Variants in SC5D observed in about 807,000 individuals in gnomAD.
The protein encoded by SC5D is sterol-C5-desaturase.
Under a neutral mutation model 23.9 loss-of-function variants are expected in SC5D, and 21 were observed. The ratio of observed to expected loss-of-function variants is 0.88; its 90% CI spans 0.62 to 1.26. The LOEUF is 1.26. SC5D is among the 50% of genes most tolerant of loss of function. The pLI is 0.00. For missense variants in SC5D, 309 were observed against 364.8 expected (o/e 0.85, Z 1.25); for synonymous variants, 113 against 125.9 (o/e 0.90, Z 0.68).
At chr11:121,303,957 A>G (rs1220570009) in intron 2 of SC5D, 1 of 259,244 alleles carries the variant, frequency 3.9e-6, no homozygotes, top group African/African-American at 2.3e-5. Flanking sequence ...AGGGGATTCA[A>G]ACTCAGTAGT....
In SC5D at chr11:121,306,486, G is replaced by C. The variant is rs1450599623; in HGVS notation, c.444G>C (p.Lys148Asn). 1 of 1,377,004 alleles carries C rather than the reference G, an allele frequency of 7.3e-7. No individual in the cohort carries two copies. Among genetic ancestry groups the C allele is most frequent in the Non-Finnish European group, 1.0e-6 (1 of 963,866 alleles). The allele number at this position is 1,377,004 out of a possible 1,614,324, so 85.3% of individuals were successfully genotyped here. A position where few individuals can be genotyped will look rare whatever the true frequency, so the allele number is the denominator to read the frequency against. ...GCCTTCATCATAGACTGGTATATAA[G>C]GTAAAGTCATTTGTGGTGAAAAGAG... ...HRGLHHRLVY[K>N]RLHKPHHIWK... The change falls in exon 4 of 5, where the codon AAG (lysine) becomes AAC (asparagine). Residue 148 changes from lysine (K) to asparagine (N), a missense_variant and splice_region_variant. Coordinates refer to ENST00000264027, the MANE Select transcript of SC5D (RefSeq NM_006918.5).
Position 121,312,270 on chromosome 11 carries a change from A to G in SC5D, c.*4758A>G, listed in dbSNP as rs755671934. 1.1e-4 allele frequency among the ~76,000 whole-genome samples: 17 copies of G among 152,182 alleles called. No homozygotes were observed. Among genetic ancestry groups the G allele is most frequent in the Non-Finnish European group, 1.9e-4 (13 of 68,000 alleles). ...TTGGTATGGGAAGAAAAATACTTATAAATACTTGTTTTAATATTTGCTTTA... is the reference window on the plus strand; with the variant it reads ...TTGGTATGGGAAGAAAAATACTTATGAATACTTGTTTTAATATTTGCTTTA... On this transcript the variant is annotated 3_prime_UTR_variant, in exon 5 of 5. Coordinates refer to ENST00000264027, the MANE Select transcript of SC5D (RefSeq NM_006918.5).
intron 1 of SC5D, among the ~76,000 whole-genome samples, chr11:121,296,054 A>G (rs895595598): frequency 2.6e-5 from 4 of 152,034 alleles, no homozygotes; most frequent in Non-Finnish European, 5.9e-5. Flanking sequence ...CCTTTTTTAT[A>G]GTGACGGAGT....
intron 1 of SC5D, among the ~76,000 whole-genome samples, chr11:121,302,365 A>G (rs553143809): frequency 1.3e-5 from 2 of 152,316 alleles, no homozygotes; most frequent in East Asian, 1.9e-4. Flanking sequence ...GAACAATGCA[A>G]TGAGGGATGA....
chr11:121,306,622 A>C, intron 4 of SC5D, 136 bp downstream of exon 4: 1 of 703,460 alleles, frequency 1.4e-6, no homozygotes. Flanking sequence ...TAACAGGTAC[A>C]GGGTGCATTT....
intron 1 of SC5D, among the ~76,000 whole-genome samples, chr11:121,300,164 G>A (rs1407899028): frequency 1.3e-5 from 2 of 152,152 alleles, no homozygotes; most frequent in Non-Finnish European, 2.9e-5. Flanking sequence ...GTCAGAATCA[G>A]CTTTTTTAGA....
Position 121,309,372 on chromosome 11 carries a change from A to G in SC5D, c.*1860A>G, listed in dbSNP as rs886047859. On this transcript the variant is annotated 3_prime_UTR_variant, in exon 5 of 5. Transcript: ENST00000264027. ...GTTCCTTTGGACAGAACTCCGTCAC[A>G]TGGCCCACCTAGAGAGATTTTGGGA... 6.6e-5 allele frequency among the ~76,000 whole-genome samples: 10 copies of G among 152,188 alleles called. No homozygotes were observed. The highest frequency in any genetic ancestry group is 1.3e-4 in the Non-Finnish European group (9 of 68,034).
At chr11:121,304,730 A>G (rs1459527433) in intron 3 of SC5D, 3 of 467,552 alleles carry the variant, frequency 6.4e-6, no homozygotes, top group Non-Finnish European at 1.2e-5. Flanking sequence ...GATTGGAGTG[A>G]TCAGAGATGG....
At chr11:121,306,692 C>T in intron 4 of SC5D, 1 of 675,428 alleles carries the variant, frequency 1.5e-6, no homozygotes, top group African/African-American at 1.8e-5. Flanking sequence ...GTTCCGGTAA[C>T]AGGTACACAT....
Position 121,307,061 on chromosome 11 carries a change from T to C in SC5D, c.449T>C (p.Leu150Pro). ...GLHHRLVYKR[L>P]HKPHHIWKIP... ...TTGTGTCCTTTTCTCCTGCAGCGCCTACATAAACCTCACCATATTTGGAAG... is the reference window on the plus strand; with the variant it reads ...TTGTGTCCTTTTCTCCTGCAGCGCCCACATAAACCTCACCATATTTGGAAG... The change falls in exon 5 of 5, where the codon CTA becomes CCA. Residue 150 changes from leucine to proline, a missense_variant. By Grantham distance (98) the Leu-to-Pro change is moderately conservative. Coordinates refer to ENST00000264027, the MANE Select transcript of SC5D (RefSeq NM_006918.5). 6 of 1,613,958 alleles carry C rather than the reference T, an allele frequency of 3.7e-6. No homozygotes were observed. Among genetic ancestry groups the C allele is most frequent in the Non-Finnish European group, 5.1e-6 (6 of 1,179,794 alleles).
chr11:121,306,869 G>GCAGTATATACATGGAACA, intron 4 of SC5D, 188 bp from the exon 5 acceptor site: 1 of 674,902 alleles, frequency 1.5e-6, no homozygotes, highest in Non-Finnish European at 2.7e-6. Flanking sequence ...GAACACCACT[G>GCAGTATATACATGGAACA]CACTTGTACT....
intron 1 of SC5D, among the ~76,000 whole-genome samples, chr11:121,295,592 C>G (rs1396270473): frequency 6.6e-6 from 1 of 152,112 alleles, no homozygotes; most frequent in Non-Finnish European, 1.5e-5. Flanking sequence ...AGGGATGTAG[C>G]TTCTCATCCT....
At chr11:121,303,316 TG>T in intron 1 of SC5D, 49 bp from the exon 2 acceptor site, 1 of 1,552,460 alleles carries the variant, frequency 6.4e-7, no homozygotes, top group Non-Finnish European at 8.9e-7. Context: ...AATTTTTGCC[TG>T]GAAAAATAGA....
chr11:121,306,732 A>C (rs1315704047), intron 4 of SC5D: 5 of 632,156 alleles, frequency 7.9e-6, no homozygotes, highest in Non-Finnish European at 1.4e-5. Flanking sequence ...TAGACATTAG[A>C]GACTCCAGAA....
intron 1 of SC5D, among the ~76,000 whole-genome samples, chr11:121,298,820 A>G: frequency 6.6e-6 from 1 of 152,206 alleles, no homozygotes; most frequent in East Asian, 1.9e-4. Flanking sequence ...GAGAGTCAGC[A>G]AAAGGAGTTA....
In SC5D at chr11:121,310,519, G is replaced by A. The variant is rs1045493603; in HGVS notation, c.*3007G>A. 6.8e-5 allele frequency among the ~76,000 whole-genome samples: 10 copies of A among 147,516 alleles called. No homozygotes were observed. Among genetic ancestry groups the A allele is most frequent in the African/African-American group, 1.8e-4 (7 of 39,862 alleles). On this transcript the variant is annotated 3_prime_UTR_variant, in exon 5 of 5. Transcript: ENST00000264027. Reference sequence around the variant, plus strand: ...TTGCCCCAGGCTGGAGTGCAGTGGCGTGATCTTGGTTCACTGCAAGCTCCA... The same window carrying A: ...TTGCCCCAGGCTGGAGTGCAGTGGCATGATCTTGGTTCACTGCAAGCTCCA...
chr11:121,302,983 G>A (rs1441803558), intron 1 of SC5D, among the ~76,000 whole-genome samples: 1 of 152,186 alleles, frequency 6.6e-6, no homozygotes, highest in Non-Finnish European at 1.5e-5. Context: ...AGCTGAAAGA[G>A]GAAACTATTT....
In SC5D at chr11:121,304,627, A is replaced by G. The variant is rs1270785723; in HGVS notation, c.343+134A>G. 14 of 789,410 alleles carry G rather than the reference A, an allele frequency of 1.8e-5. No homozygotes were observed. The East Asian group carries it at 2.2e-4, about 12-fold the overall frequency. 48.9% of individuals were successfully genotyped at this position (789,410 alleles called of 1,614,324 possible). A position where few individuals can be genotyped will look rare whatever the true frequency, so the allele number is the denominator to read the frequency against. ...TTATTCAGTTGTTTTTTAATGTTCT[A>G]TTTTCATGTGTTCATGTCTTGCCAC... On this transcript the variant is annotated intron_variant, in intron 3 of 4. Transcript: ENST00000264027.
chr11:121,298,873 T>G (rs1240810402), intron 1 of SC5D, among the ~76,000 whole-genome samples: 1 of 151,896 alleles, frequency 6.6e-6, no homozygotes, highest in Non-Finnish European at 1.5e-5. Flanking sequence ...TAGTGGAAAA[T>G]TATAGTCAAA....
Sources: allele counts gnomAD v4.1 joint callset (sites outside exome capture counted in the v4.1 genomes callset), GRCh38; gene constraint gnomAD v4.1.1; transcripts MANE v1.5; gene names NCBI Gene and HGNC (gene_info 2026-07-23, HGNC 2026-07-21).